The following ATP7B variants were observed in gnomAD, a reference collection of about 807,000 sequenced individuals.
ATP7B encodes ATPase copper transporting beta, also known as copper-transporting ATPase 2.
Under a neutral mutation model 118.9 loss-of-function variants are expected in ATP7B, and 113 were observed. That is an observed-to-expected ratio of 0.95 (90% CI 0.82 to 1.11). ATP7B has a LOEUF of 1.11. Ranked by LOEUF, ATP7B falls within the 50% of genes most tolerant of loss-of-function variation. The probability of loss-of-function intolerance (pLI) is 0.00; values close to 1 mark genes in which losing one functional copy is unlikely to be tolerated. For missense variants in ATP7B, 1,867 were observed against 1,871.4 expected (o/e 1.00, Z 0.04); for synonymous variants, 777 against 727.4 (o/e 1.07, Z -1.10).
intron 8 of ATP7B, 107 bp downstream of exon 8, chr13:51,958,204 C>T (rs908609186): frequency 6.9e-6 from 9 of 1,302,152 alleles, no homozygotes; most frequent in Admixed American, 1.9e-5. Context: ...TTCTTTAAGT[C>T]TGTCTCTATG....
At chr13:52,011,768 C>T (rs890810092), upstream of ATP7B, among the ~76,000 whole-genome samples, 1 of 152,258 alleles carries the variant, frequency 6.6e-6, no homozygotes, top group Non-Finnish European at 1.5e-5. Context: ...TCCGCGGTCT[C>T]GGCCACCTCG....
At chr13:52,006,023 T>G (rs191627352) in intron 1 of ATP7B, among the ~76,000 whole-genome samples, 178 of 152,382 alleles carry the variant, frequency 1.2e-3, no homozygotes, top group African/African-American at 4.1e-3. Context: ...ACAAACAGCA[T>G]GAGCGATCTG....
At chr13:51,967,240 T>A (rs1951601447) in intron 4 of ATP7B, 4 of 900,024 alleles carry the variant, frequency 4.4e-6, no homozygotes, top group Non-Finnish European at 5.2e-6. Context: ...CTTTCTTTTT[T>A]TTTTCATTAC....
chr13:51,952,012 A>G (rs1404996332), intron 9 of ATP7B, among the ~76,000 whole-genome samples: 2 of 152,262 alleles, frequency 1.3e-5, no homozygotes, highest in Non-Finnish European at 2.9e-5. Context: ...CTGAGAGAGC[A>G]CGCAGTGAGA....
At position 51,975,140 on chromosome 13, in the gene ATP7B, C is replaced by A. The variant is rs371345946; in HGVS notation, c.80G>T (p.Arg27Leu). Residue 27 changes from arginine to leucine, a missense_variant, in exon 2 of 21, where the codon CGT becomes CTT. Transcript: ENST00000242839. ...CTTCTTCATTGCTGGTTCCCAGGCA[C>A]GGGTAGGCAAAGAAAGCTTAGATAA... ...KILSKLSLPT[R>L]AWEPAMKKSF... 6.8e-6 allele frequency: 11 copies of A among 1,613,988 alleles called. No individual in the cohort carries two copies. Among genetic ancestry groups the A allele is most frequent in the Non-Finnish European group, 9.3e-6 (11 of 1,180,030 alleles).
At chr13:52,006,461 C>T (rs1225873648) in intron 1 of ATP7B, among the ~76,000 whole-genome samples, 1 of 152,250 alleles carries the variant, frequency 6.6e-6, no homozygotes, top group African/African-American at 2.4e-5. Context: ...AGTTTCTCTA[C>T]TGAGAAGACA....
chr13:51,990,819 A>G (rs2140362526), intron 1 of ATP7B, among the ~76,000 whole-genome samples: 1 of 152,358 alleles, frequency 6.6e-6, no homozygotes, highest in East Asian at 1.9e-4. Context: ...CCCTGGCACA[A>G]TGGCTCATAC....
intron 1 of ATP7B, among the ~76,000 whole-genome samples, chr13:51,985,306 A>G (rs1191488876): frequency 2.6e-5 from 4 of 152,244 alleles, no homozygotes; most frequent in Admixed American, 1.3e-4. Flanking sequence ...CAAAAAGATC[A>G]AAAGAGACAA....
At chr13:51,977,846 G>C (rs1165973501) in intron 1 of ATP7B, among the ~76,000 whole-genome samples, 1 of 152,134 alleles carries the variant, frequency 6.6e-6, no homozygotes, top group Non-Finnish European at 1.5e-5. Flanking sequence ...GTAATATCAT[G>C]GGACCAGTGT....
chr13:52,009,071 C>G (rs1953907102), intron 1 of ATP7B, among the ~76,000 whole-genome samples: 1 of 151,944 alleles, frequency 6.6e-6, no homozygotes, highest in Non-Finnish European at 1.5e-5. Flanking sequence ...TAAACGATGT[C>G]TTGATATGCT....
At chr13:51,958,852 C>T (rs1958537579) in intron 7 of ATP7B, 5 of 428,440 alleles carry the variant, frequency 1.2e-5, no homozygotes, top group Non-Finnish European at 4.3e-6. Context: ...GTAGACAGCA[C>T]AAGGCATTCC....
At position 51,974,266 on chromosome 13, in the gene ATP7B, A is replaced by G. The variant is rs1210454309; in HGVS notation, c.954T>C (p.Leu318=). ...GAGAAACTTTAAAATTCCCAGGTGG[A>G]AGTGCCTCGATAGCCCTCTGCAGAG... The part of the protein sequence containing the change: ...PVALQRAIEA[L]PPGNFKVSLP... The change falls in exon 2 of 21, where the codon CTT becomes CTC. Residue 318 remains leucine (L), a synonymous_variant. Transcript: ENST00000242839. The G allele has an allele frequency of 1.2e-6, 2 of 1,614,138 alleles. No individual in the cohort carries two copies. The highest frequency in any genetic ancestry group is 3.3e-5 in the Admixed American group (2 of 60,018).
chr13:51,964,969 C>T lies in ATP7B; in HGVS notation c.1772G>A (p.Gly591Asp), dbSNP rs797045402. The T allele has an allele frequency of 2.2e-5, 36 of 1,614,040 alleles. No individual in the cohort carries two copies. The highest frequency in any genetic ancestry group is 3.3e-5 in the South Asian group (3 of 91,084). Residue 591 changes from glycine to aspartate, a missense_variant, in exon 5 of 21, where the codon GGC (glycine) becomes GAC (aspartate). Transcript: ENST00000242839. ...NIESKLTRTN[G>D]ITYASVALAT... ...AAGGGCAACGGAGGCATAAGTGATG[C>T]CATTTGTCCTCGTGAGTTTGGACTC... is the stretch of plus-strand genomic sequence containing the variant.
intron 1 of ATP7B, among the ~76,000 whole-genome samples, chr13:51,983,913 A>G (rs1036938944): frequency 6.6e-6 from 1 of 152,222 alleles, no homozygotes; most frequent in African/African-American, 2.4e-5. Flanking sequence ...GAAGGTCACC[A>G]ACATCAAAAA....
intron 1 of ATP7B, among the ~76,000 whole-genome samples, chr13:51,994,862 C>T (rs1483315843): frequency 6.6e-6 from 1 of 152,190 alleles, no homozygotes; most frequent in Non-Finnish European, 1.5e-5. Flanking sequence ...TAAAAGGCAC[C>T]ATTTTTACAA....
chr13:52,010,244 AG>A (rs1258212823), intron 1 of ATP7B, among the ~76,000 whole-genome samples: 4 of 152,188 alleles, frequency 2.6e-5, no homozygotes, highest in Non-Finnish European at 5.9e-5. Flanking sequence ...CTAATCCGTT[AG>A]TTTTCATTTC....
At chr13:51,957,628 G>T in intron 8 of ATP7B, 21 bp from the exon 9 acceptor site, 1 of 1,608,392 alleles carries the variant, frequency 6.2e-7, no homozygotes, top group Non-Finnish European at 8.5e-7. Flanking sequence ...ACCAGAATGT[G>T]AAATGAGAGC....
At chr13:51,989,554 T>A (rs1413466314) in intron 1 of ATP7B, among the ~76,000 whole-genome samples, 2 of 150,740 alleles carry the variant, frequency 1.3e-5, no homozygotes, top group Non-Finnish European at 3.0e-5. Context: ...GTGAGTAAAA[T>A]TAAAAACAAA....
chr13:51,987,327 TA>T (rs1434968382), intron 1 of ATP7B, among the ~76,000 whole-genome samples: 11 of 152,060 alleles, frequency 7.2e-5, no homozygotes, highest in African/African-American at 2.4e-4. Context: ...ACAAAGAGAA[TA>T]AAATACCCAG....
Sources: allele counts gnomAD v4.1 joint callset (sites outside exome capture counted in the v4.1 genomes callset), GRCh38; gene constraint gnomAD v4.1.1; transcripts MANE v1.5; gene names NCBI Gene and HGNC (gene_info 2026-07-23, HGNC 2026-07-21).